The following GRID2 variants were observed in gnomAD, a reference collection of about 807,000 sequenced individuals.
The protein encoded by GRID2 is glutamate receptor ionotropic, delta-2.
Under a neutral mutation model 114.8 loss-of-function variants are expected in GRID2, and 33 were observed. The ratio of observed to expected loss-of-function variants is 0.29; its 90% CI spans 0.22 to 0.38. The LOEUF is 0.38. GRID2 is among the 10% of genes least tolerant of loss of function. GRID2 has a pLI of 1.00. For synonymous variants in GRID2, 505 were observed against 449.9 expected, an observed-to-expected ratio of 1.12 and a Z score of -1.55; for missense variants, 1,184 against 1,257.7, an observed-to-expected ratio of 0.94 and a Z score of 0.89.
chr4:92,375,377 A>G (rs1729306683), intron 1 of GRID2, among the ~76,000 whole-genome samples: 1 of 152,150 alleles, frequency 6.6e-6, no homozygotes, highest in African/African-American at 2.4e-5. Flanking sequence ...GCTATTATTC[A>G]TTGCATCTTG....
intron 2 of GRID2, among the ~76,000 whole-genome samples, chr4:92,851,671 CA>C (rs1743810622): frequency 6.6e-6 from 1 of 151,898 alleles, no homozygotes; most frequent in Non-Finnish European, 1.5e-5. Context: ...GCACTTAAAA[CA>C]CTTGTTCAAC....
At chr4:93,314,108 A>G (rs1187758138) in intron 8 of GRID2, among the ~76,000 whole-genome samples, 1 of 151,914 alleles carries the variant, frequency 6.6e-6, no homozygotes. Flanking sequence ...AGTTCAAGAC[A>G]AGCCTGGCCA....
At chr4:93,300,791 C>CT (rs1444461524) in intron 8 of GRID2, among the ~76,000 whole-genome samples, 2 of 152,122 alleles carry the variant, frequency 1.3e-5, no homozygotes, top group East Asian at 3.9e-4. Context: ...ATTTGTGCCC[C>CT]TTTTAAGGGC....
At chr4:93,281,641 C>T (rs1182802277) in intron 8 of GRID2, among the ~76,000 whole-genome samples, 1 of 152,024 alleles carries the variant, frequency 6.6e-6, no homozygotes, top group Non-Finnish European at 1.5e-5. Flanking sequence ...AGGTCTTCAT[C>T]TTGCCTTTGA....
chr4:92,521,076 A>G (rs1231059569), intron 1 of GRID2, among the ~76,000 whole-genome samples: 1 of 151,970 alleles, frequency 6.6e-6, no homozygotes, highest in Non-Finnish European at 1.5e-5. Flanking sequence ...TATTTTTAGA[A>G]CAAAAACTAC....
intron 2 of GRID2, among the ~76,000 whole-genome samples, chr4:92,640,663 G>A (rs949789651): frequency 6.6e-6 from 1 of 151,738 alleles, no homozygotes; most frequent in African/African-American, 2.4e-5. Flanking sequence ...AAGTAAGAAT[G>A]AAACACAGCA....
At chr4:92,842,574 T>G (rs1372838212) in intron 2 of GRID2, among the ~76,000 whole-genome samples, 1 of 152,140 alleles carries the variant, frequency 6.6e-6, no homozygotes, top group Non-Finnish European at 1.5e-5. Context: ...CTCAGTAATG[T>G]AGGTCAAAGT....
At chr4:93,013,894 A>G (rs747087735) in intron 2 of GRID2, among the ~76,000 whole-genome samples, 2 of 152,018 alleles carry the variant, frequency 1.3e-5, no homozygotes, top group Non-Finnish European at 2.9e-5. Context: ...TTGTAGGATT[A>G]GGGAAAGAAG....
At chr4:93,345,245 A>C (rs1389311494) in intron 8 of GRID2, among the ~76,000 whole-genome samples, 1 of 152,056 alleles carries the variant, frequency 6.6e-6, no homozygotes, top group East Asian at 1.9e-4. Context: ...GTTTTCTATA[A>C]TAGCTATACT....
At chr4:92,322,614 G>A (rs1726372590) in intron 1 of GRID2, among the ~76,000 whole-genome samples, 1 of 151,964 alleles carries the variant, frequency 6.6e-6, no homozygotes, top group Non-Finnish European at 1.5e-5. Context: ...TGGACTGATT[G>A]GAGGCAAACT....
intron 2 of GRID2, among the ~76,000 whole-genome samples, chr4:92,671,421 A>G (rs1733066079): frequency 6.6e-6 from 1 of 152,148 alleles, no homozygotes; most frequent in South Asian, 2.1e-4. Flanking sequence ...AAGCCTTGTT[A>G]GATTCATATT....
chr4:92,818,266 A>C (rs1578232640), intron 2 of GRID2, among the ~76,000 whole-genome samples: 1 of 152,206 alleles, frequency 6.6e-6, no homozygotes, highest in Admixed American at 6.6e-5. Flanking sequence ...TCAATAAATT[A>C]CATTTGAATG....
At chr4:92,374,175 A>G (rs555527831) in intron 1 of GRID2, among the ~76,000 whole-genome samples, 1 of 152,282 alleles carries the variant, frequency 6.6e-6, no homozygotes, top group South Asian at 2.1e-4. Context: ...CCAAGCATTA[A>G]TATCAACACA....
intron 8 of GRID2, among the ~76,000 whole-genome samples, chr4:93,324,446 T>C (rs907733100): frequency 6.6e-6 from 1 of 152,194 alleles, no homozygotes; most frequent in Non-Finnish European, 1.5e-5. Context: ...GCCAGTATTT[T>C]ATTGAGGATT....
intron 8 of GRID2, among the ~76,000 whole-genome samples, chr4:93,327,393 A>T (rs1481446800): frequency 6.6e-6 from 1 of 152,136 alleles, no homozygotes; most frequent in Non-Finnish European, 1.5e-5. Flanking sequence ...AGTTAGTCAT[A>T]CAAAACCCTA....
At chr4:93,130,163 G>A (rs959635711) in intron 4 of GRID2, among the ~76,000 whole-genome samples, 2 of 152,158 alleles carry the variant, frequency 1.3e-5, no homozygotes, top group Admixed American at 6.5e-5. Context: ...TTAAAAGATC[G>A]GTGTGGTGGC....
chr4:92,911,729 C>A (rs1748395966), intron 2 of GRID2, among the ~76,000 whole-genome samples: 1 of 151,504 alleles, frequency 6.6e-6, no homozygotes, highest in Non-Finnish European at 1.5e-5. Flanking sequence ...ATCAAATAAC[C>A]TTAAGCAATA....
Position 93,603,700 on chromosome 4 carries a change from T to C in GRID2, c.2194-22569T>C, listed in dbSNP as rs78529777. ...CTGTCTGACTCTTGTTAGGGCCTAA[T>C]GCAGCTGGTGATTTGAAGTTGAAGC... On this transcript the variant is annotated intron_variant, in intron 13 of 15. Coordinates refer to ENST00000282020, the MANE Select transcript of GRID2 (RefSeq NM_001510.4). 1.8e-4 allele frequency among the ~76,000 whole-genome samples: 27 copies of C among 152,370 alleles called. No individual in the cohort carries two copies. In the East Asian group the frequency reaches 4.4e-3, roughly 25 times the overall value.
At chr4:93,762,774 G>A (rs1733321165) in intron 14 of GRID2, among the ~76,000 whole-genome samples, 1 of 152,090 alleles carries the variant, frequency 6.6e-6, no homozygotes, top group African/African-American at 2.4e-5. Context: ...AAAAGCACAG[G>A]TTCAATAATC....
Sources: gnomAD v4.1 joint callset for allele counts (sites outside exome capture counted in the v4.1 genomes callset) on GRCh38, gnomAD v4.1.1 for gene constraint, MANE v1.5 for transcripts, NCBI Gene and HGNC (gene_info 2026-07-23, HGNC 2026-07-21) for gene names.